Variants in TMEM68 observed in about 807,000 individuals in gnomAD.
TMEM68 encodes the protein DGAT1/2-independent enzyme synthesizing storage lipids.
Under a neutral mutation model 36.9 loss-of-function variants are expected in TMEM68, and 25 were observed. That is an observed-to-expected ratio of 0.68 (90% CI 0.49 to 0.95). The LOEUF (loss-of-function observed/expected upper bound fraction) is 0.95, where lower values mean the gene tolerates loss of function less well. TMEM68 is among the 40% of genes least tolerant of loss of function. TMEM68 has a pLI of 0.00. For missense variants in TMEM68, 333 were observed against 392.0 expected (o/e 0.85, Z 1.27); for synonymous variants, 131 against 124.4 (o/e 1.05, Z -0.35).
intron 1 of TMEM68, among the ~76,000 whole-genome samples, chr8:55,769,057 G>T (rs1448974979): frequency 7.6e-6 from 1 of 131,118 alleles, no homozygotes; most frequent in Non-Finnish European, 1.7e-5. Flanking sequence ...AGGCACAGTG[G>T]TTCATGCCTG....
chr8:55,741,398 G>T (rs1258137776), intron 7 of TMEM68, among the ~76,000 whole-genome samples: 1 of 152,164 alleles, frequency 6.6e-6, no homozygotes, highest in Non-Finnish European at 1.5e-5. Context: ...TGTATTAAGT[G>T]TATCTCTAGA....
intron 7 of TMEM68, among the ~76,000 whole-genome samples, chr8:55,741,607 G>A (rs1810104763): frequency 6.6e-6 from 1 of 152,146 alleles, no homozygotes; most frequent in Non-Finnish European, 1.5e-5. Context: ...GAGCCCACTG[G>A]GTAGGCAGTG....
chr8:55,768,450 C>T (rs1811043625), intron 1 of TMEM68, among the ~76,000 whole-genome samples: 1 of 152,094 alleles, frequency 6.6e-6, no homozygotes, highest in Non-Finnish European at 1.5e-5. Context: ...CATGGTAACT[C>T]ACACCTGTAA....
intron 1 of TMEM68, among the ~76,000 whole-genome samples, chr8:55,764,538 A>AT (rs1810904998): frequency 6.6e-6 from 1 of 152,200 alleles, no homozygotes; most frequent in South Asian, 2.1e-4. Flanking sequence ...AGAGGAGGAG[A>AT]TGTACATATA....
At chr8:55,762,411 T>A (rs1810821633) in intron 3 of TMEM68, 1 of 675,792 alleles carries the variant, frequency 1.5e-6, no homozygotes. Context: ...TAGTCTACAG[T>A]GCTGCGTGGT....
intron 1 of TMEM68, among the ~76,000 whole-genome samples, chr8:55,770,884 G>A (rs1002021374): frequency 2.0e-5 from 3 of 152,156 alleles, no homozygotes; most frequent in Admixed American, 6.5e-5. Context: ...GGCCACGCGC[G>A]GTGGCTCATG....
intron 3 of TMEM68, among the ~76,000 whole-genome samples, chr8:55,759,664 T>C (rs1810723104): frequency 6.6e-6 from 1 of 152,164 alleles, no homozygotes; most frequent in African/African-American, 2.4e-5. Context: ...TAAAATACCA[T>C]TTACACTGTT....
chr8:55,760,812 GTA>G (rs1356454176), intron 3 of TMEM68: 1 of 152,172 alleles, frequency 6.6e-6, no homozygotes, highest in Non-Finnish European at 1.5e-5. Context: ...CCAAGATTTT[GTA>G]TGTTTCCATA....
intron 1 of TMEM68, among the ~76,000 whole-genome samples, chr8:55,769,902 G>A (rs1007499814): frequency 2.6e-5 from 4 of 152,162 alleles, no homozygotes; most frequent in African/African-American, 9.7e-5. Flanking sequence ...CAAAGTGCTC[G>A]GATTGCAGGC....
At chr8:55,755,557 C>G (rs573413531) in intron 4 of TMEM68, among the ~76,000 whole-genome samples, 138 of 150,858 alleles carry the variant, frequency 9.1e-4, no homozygotes, top group Non-Finnish European at 1.6e-3. Context: ...TAGGCATGAG[C>G]CACTGTGCCC....
At chr8:55,740,324 A>G in intron 7 of TMEM68, 106 bp from the exon 8 acceptor site, 1 of 761,554 alleles carries the variant, frequency 1.3e-6, no homozygotes, top group Non-Finnish European at 2.1e-6. Context: ...GTACACCTGA[A>G]GCTTATATAT....
chr8:55,756,766 G>C (rs958203717), intron 3 of TMEM68, among the ~76,000 whole-genome samples: 2 of 152,114 alleles, frequency 1.3e-5, no homozygotes, highest in African/African-American at 4.8e-5. Context: ...TTGGGGGGCT[G>C]CTGAGGGGGA....
At chr8:55,743,355 C>T in intron 7 of TMEM68, 126 bp downstream of exon 7, 2 of 1,217,088 alleles carry the variant, frequency 1.6e-6, no homozygotes, top group Non-Finnish European at 2.2e-6. Context: ...GGTATACAAT[C>T]ACCTCTGGTT....
Position 55,756,368 on chromosome 8 carries a change from T to C in TMEM68, c.369A>G (p.Pro123=), listed in dbSNP as rs1160480241. 6 of 1,594,122 alleles carry C rather than the reference T, an allele frequency of 3.8e-6. No homozygotes were observed. Among genetic ancestry groups the C allele is most frequent in the Non-Finnish European group, 5.1e-6 (6 of 1,173,942 alleles). ...CTCCATGATAAAAAATTATAAGTGCTGGTCCATCTTCTGGTATTTTTTCCA... is the reference window on the plus strand; with the variant it reads ...CTCCATGATAAAAAATTATAAGTGCCGGTCCATCTTCTGGTATTTTTTCCA... The part of the protein sequence containing the change: ...HGMEKIPEDG[P]ALIIFYHGAI... Residue 123 remains proline (P), a synonymous_variant, in exon 4 of 8, where the codon CCA becomes CCG. Coordinates refer to ENST00000434581, the MANE Select transcript of TMEM68 (RefSeq NM_001286657.2).
intron 4 of TMEM68, chr8:55,751,464 G>A (rs1352207719): frequency 1.2e-5 from 5 of 425,726 alleles, no homozygotes; most frequent in African/African-American, 8.3e-5. Context: ...GAAGTGGCAG[G>A]GCAGAGATTC....
chr8:55,765,933 T>C (rs1333947061), intron 1 of TMEM68, among the ~76,000 whole-genome samples: 1 of 152,182 alleles, frequency 6.6e-6, no homozygotes, highest in Admixed American at 6.5e-5. Context: ...TGTACCCTAA[T>C]ATGTACCACC....
rs919283978 is a variant in TMEM68, at chr8:55,739,374, C to T, written c.*758G>A. On this transcript the variant is annotated 3_prime_UTR_variant, in exon 8 of 8. Transcript: ENST00000434581. ...ACACCCTATATTGTTTGCCTATAGA[C>T]TCTTGTTAAAAATATCATACTAAAA... 3.3e-5 allele frequency: 5 copies of T among 152,500 alleles called. No homozygotes were observed. The highest frequency in any genetic ancestry group is 5.9e-5 in the Non-Finnish European group (4 of 68,034). 9.4% of individuals were successfully genotyped at this position (152,500 alleles called of 1,614,324 possible).
chr8:55,763,390 AT>A (rs1019163478), intron 2 of TMEM68: 7 of 152,548 alleles, frequency 4.6e-5, no homozygotes, highest in Non-Finnish European at 7.3e-5. Flanking sequence ...CATTGAGATA[AT>A]TTTTTTTTCT....
chr8:55,758,041 T>C (rs935749704), intron 3 of TMEM68, among the ~76,000 whole-genome samples: 1 of 151,902 alleles, frequency 6.6e-6, no homozygotes, highest in African/African-American at 2.4e-5. Flanking sequence ...AGTACCCCCA[T>C]GTGGAGTTAT....
Sources: allele counts gnomAD v4.1 joint callset (sites outside exome capture counted in the v4.1 genomes callset), GRCh38; gene constraint gnomAD v4.1.1; transcripts MANE v1.5; gene names NCBI Gene and HGNC (gene_info 2026-07-23, HGNC 2026-07-21).